The following TENM4 variants were observed in gnomAD, a reference collection of about 807,000 sequenced individuals.
TENM4 encodes teneurin transmembrane protein 4.
A neutral mutation model predicts 243.3 loss-of-function variants in TENM4; 82 were observed. The ratio of observed to expected loss-of-function variants is 0.34; its 90% CI spans 0.28 to 0.40. The LOEUF (loss-of-function observed/expected upper bound fraction) is 0.40. Among genes scored for constraint, TENM4 ranks in the 10% least tolerant of loss-of-function variants. TENM4 has a pLI of 1.00. For missense variants in TENM4, 3,138 were observed against 3,673.3 expected (o/e 0.85, Z 3.77); for synonymous variants, 1,412 against 1,456.3 (o/e 0.97, Z 0.69).
At chr11:79,131,715 A>G (rs1282426244) in intron 4 of TENM4, among the ~76,000 whole-genome samples, 1 of 152,214 alleles carries the variant, frequency 6.6e-6, no homozygotes, top group Non-Finnish European at 1.5e-5. Context: ...TTGAATGTAA[A>G]TGGCCTAAAT....
chr11:79,401,148 G>A (rs145184439), intron 1 of TENM4, among the ~76,000 whole-genome samples: 79 of 152,346 alleles, frequency 5.2e-4, no homozygotes, highest in Middle Eastern at 3.4e-3. Context: ...TAACATTTGA[G>A]AATTCTGGTG....
intron 6 of TENM4, among the ~76,000 whole-genome samples, chr11:78,905,956 G>A (rs1324979191): frequency 1.3e-5 from 2 of 152,228 alleles, no homozygotes; most frequent in Non-Finnish European, 2.9e-5. Context: ...AGCCTCTTGG[G>A]CTGACTGAAT....
chr11:79,110,277 C>A (rs761031160), intron 4 of TENM4, among the ~76,000 whole-genome samples: 200 of 152,180 alleles, frequency 1.3e-3, no homozygotes, highest in Non-Finnish European at 2.1e-3. Context: ...ACAGCCCAAC[C>A]CTTAACAGCT....
chr11:79,132,872 C>A (rs1431159787), intron 4 of TENM4, among the ~76,000 whole-genome samples: 1 of 152,068 alleles, frequency 6.6e-6, no homozygotes, highest in East Asian at 1.9e-4. Flanking sequence ...GTTCATAGCC[C>A]TAAACACCTA....
intron 4 of TENM4, among the ~76,000 whole-genome samples, chr11:79,142,356 A>C (rs1862302549): frequency 6.6e-6 from 1 of 152,140 alleles, no homozygotes; most frequent in African/African-American, 2.4e-5. Context: ...CAGAAAAAAA[A>C]ATTAAGAATG....
At chr11:78,756,768 A>C (rs1164699416) in intron 19 of TENM4, 37 bp downstream of exon 19, 1 of 1,577,654 alleles carries the variant, frequency 6.3e-7, no homozygotes, top group Admixed American at 1.8e-5. Context: ...GTTCTCCCTC[A>C]GAGAGCCCTG....
intron 3 of TENM4, among the ~76,000 whole-genome samples, chr11:79,206,485 C>T (rs1204030492): frequency 6.6e-6 from 1 of 152,146 alleles, no homozygotes; most frequent in Non-Finnish European, 1.5e-5. Context: ...GCCCTGGCTT[C>T]CCATGTACTT....
At chr11:78,666,973 C>T (rs1858173289) in intron 32 of TENM4, among the ~76,000 whole-genome samples, 1 of 151,978 alleles carries the variant, frequency 6.6e-6, no homozygotes, top group South Asian at 2.1e-4. Context: ...AAGTACATTT[C>T]CTATTGCACC....
At chr11:78,999,171 C>T (rs374623981) in intron 6 of TENM4, among the ~76,000 whole-genome samples, 12 of 152,192 alleles carry the variant, frequency 7.9e-5, no homozygotes, top group East Asian at 5.8e-4. Context: ...GTGGTCACAC[C>T]GCGGGAGAGA....
At chr11:78,983,130 C>T (rs1462737626) in intron 6 of TENM4, among the ~76,000 whole-genome samples, 1 of 152,228 alleles carries the variant, frequency 6.6e-6, no homozygotes, top group Non-Finnish European at 1.5e-5. Flanking sequence ...AAATAATTCA[C>T]ACTTTTTGAG....
At chr11:79,252,519 G>T (rs1178365760) in intron 2 of TENM4, among the ~76,000 whole-genome samples, 1 of 152,208 alleles carries the variant, frequency 6.6e-6, no homozygotes, top group Non-Finnish European at 1.5e-5. Context: ...TTACAGGCGT[G>T]AGCCACTGCG....
chr11:79,039,039 T>G (rs900139720), intron 6 of TENM4, among the ~76,000 whole-genome samples: 1 of 152,164 alleles, frequency 6.6e-6, no homozygotes, highest in Non-Finnish European at 1.5e-5. Flanking sequence ...CTCAGGCACT[T>G]GGTGGTGGTA....
intron 1 of TENM4, among the ~76,000 whole-genome samples, chr11:79,378,875 CCTGT>C (rs1857944613): frequency 6.8e-6 from 1 of 146,288 alleles, no homozygotes; most frequent in Non-Finnish European, 1.5e-5. Context: ...AGAATGAGGC[CCTGT>C]CTGTTAAAAA....
At chr11:78,706,201 C>A (rs486082) in intron 27 of TENM4, among the ~76,000 whole-genome samples, 9,282 of 152,116 alleles carry the variant, frequency 0.061, 693 homozygotes, top group African/African-American at 0.18. Flanking sequence ...TAACAGAGCG[C>A]CTGGCCCATA....
rs545777749 is a variant in TENM4 at position 79,019,502 on chromosome 11, C to G, written c.493+45236G>C. ...TCTGCTGAAAAGGCAGAATCATTGT[C>G]CCTATCTTTCAGGTTTCTATTTGAA... On this transcript the variant is annotated intron_variant, in intron 6 of 33. Coordinates refer to ENST00000278550, the MANE Select transcript of TENM4 (RefSeq NM_001098816.3). 3.9e-5 allele frequency among the ~76,000 whole-genome samples: 6 copies of G among 152,314 alleles called. No individual in the cohort carries two copies. The East Asian group carries it at 1.2e-3, about 29-fold the overall frequency.
intron 1 of TENM4, among the ~76,000 whole-genome samples, chr11:79,376,795 C>A (rs1365190057): frequency 6.6e-6 from 1 of 152,138 alleles, no homozygotes; most frequent in Non-Finnish European, 1.5e-5. Flanking sequence ...TCACACTCAG[C>A]CCCTCCTCCT....
intron 4 of TENM4, among the ~76,000 whole-genome samples, chr11:79,080,347 T>C (rs1367680882): frequency 1.3e-5 from 2 of 152,202 alleles, no homozygotes; most frequent in Non-Finnish European, 2.9e-5. Flanking sequence ...CTACAGGTGA[T>C]TCCAGCACAA....
intron 6 of TENM4, among the ~76,000 whole-genome samples, chr11:78,969,578 GC>G (rs1319915661): frequency 6.6e-6 from 1 of 152,194 alleles, no homozygotes; most frequent in Non-Finnish European, 1.5e-5. Context: ...TTAACACTTT[GC>G]TCAGCAGTCC....
intron 12 of TENM4, among the ~76,000 whole-genome samples, chr11:78,852,637 T>G (rs1006907426): frequency 6.6e-6 from 1 of 152,136 alleles, no homozygotes; most frequent in African/African-American, 2.4e-5. Context: ...GAGCCGTGAT[T>G]GAGTCACTGC....
Sources: gnomAD v4.1 joint callset for allele counts (sites outside exome capture counted in the v4.1 genomes callset) on GRCh38, gnomAD v4.1.1 for gene constraint, MANE v1.5 for transcripts, NCBI Gene and HGNC (gene_info 2026-07-23, HGNC 2026-07-21) for gene names.